The following TACR2 variants were observed in gnomAD, a reference collection of about 807,000 sequenced individuals.
TACR2 encodes the protein tachykinin receptor 2.
Under a neutral mutation model 28.9 loss-of-function variants are expected in TACR2, and 24 were observed. That is an observed-to-expected ratio of 0.83 (90% CI 0.60 to 1.17). TACR2 has a LOEUF of 1.17. TACR2 is among the 50% of genes most tolerant of loss of function. TACR2 has a pLI of 0.00. For missense variants in TACR2, 487 were observed against 524.4 expected, an observed-to-expected ratio of 0.93 and a Z score of 0.70; for synonymous variants, 222 against 212.6, an observed-to-expected ratio of 1.04 and a Z score of -0.38.
At chr10:69,406,958 C>G in intron 4 of TACR2, 126 bp downstream of exon 4, 1 of 958,788 alleles carries the variant, frequency 1.0e-6, no homozygotes, top group Non-Finnish European at 1.6e-6. Flanking sequence ...CTCATGTAGG[C>G]TGGGGGCACA....
chr10:69,404,905 G>A lies in TACR2; in HGVS notation c.1118C>T (p.Ala373Val), dbSNP rs1490048666. The A allele has an allele frequency of 6.8e-6, 11 of 1,613,746 alleles. No individual in the cohort carries two copies. Among genetic ancestry groups the A allele is most frequent in the Non-Finnish European group, 9.3e-6 (11 of 1,179,828 alleles). Residue 373 changes from alanine (A) to valine (V), a missense_variant, in exon 5 of 5, where the codon GCG becomes GTG. Physicochemically the swap from Ala to Val is moderately conservative, Grantham distance 64 (BLOSUM62 0). Coordinates refer to ENST00000373306, the MANE Select transcript of TACR2 (RefSeq NM_001057.3). ...CCCTGATCCATCCTGGGGACGCCCC[G>A]CCTCCCCACTGGTAGCCTCGGAGGG... ...TAPSEATSGE[A>V]GRPQDGSGLW...
intron 4 of TACR2, among the ~76,000 whole-genome samples, chr10:69,405,634 C>A (rs886799927): frequency 6.6e-6 from 1 of 152,198 alleles, no homozygotes; most frequent in Non-Finnish European, 1.5e-5. Context: ...GAAGCACACA[C>A]GGTGAGTGGA....
In TACR2 at chr10:69,404,051, C is replaced by T. The variant is rs1840480394; in HGVS notation, c.*775G>A. ...TGTCCTCTCCAGGTTGCCATGGCCC[C>T]CACCATTCCCTATTAGCTCAAACTG... On this transcript the variant is annotated 3_prime_UTR_variant, in exon 5 of 5. Transcript: ENST00000373306. 6.6e-6 allele frequency: 1 copy of T among 152,222 alleles called. No homozygotes were observed. Among genetic ancestry groups the T allele is most frequent in the South Asian group, 2.1e-4 (1 of 4,832 alleles). 9.4% of individuals were successfully genotyped at this position (152,222 alleles called of 1,614,324 possible).
chr10:69,408,756 T>C (rs951664027), intron 3 of TACR2, among the ~76,000 whole-genome samples, 166 bp downstream of exon 3: 6 of 151,634 alleles, frequency 4.0e-5, no homozygotes, highest in African/African-American at 1.5e-4. Flanking sequence ...CTTGAGACCG[T>C]AAGGGCGGCT....
At chr10:69,411,195 C>T (rs74552257) in intron 2 of TACR2, among the ~76,000 whole-genome samples, 4 of 152,174 alleles carry the variant, frequency 2.6e-5, no homozygotes, top group African/African-American at 7.2e-5. Flanking sequence ...AGGCTTGCTG[C>T]GCCCCTTTCT....
intron 2 of TACR2, among the ~76,000 whole-genome samples, chr10:69,414,631 C>CT (rs1465856209): frequency 6.6e-6 from 1 of 152,092 alleles, no homozygotes; most frequent in East Asian, 1.9e-4. Context: ...GGGCATGTTA[C>CT]TTAGTTTTTC....
chr10:69,416,511 A>G lies in TACR2; in HGVS notation c.-188T>C. Reference sequence around the variant, plus strand: ...CAGGCAAAGATGAGCTGGGCTGAGCACAAAGCCCAGTCCAGAACCATTGTC... The same window carrying G: ...CAGGCAAAGATGAGCTGGGCTGAGCGCAAAGCCCAGTCCAGAACCATTGTC... On this transcript the variant is annotated 5_prime_UTR_variant, in exon 1 of 5. Transcript: ENST00000373306. 3 of 672,698 alleles carry G rather than the reference A, an allele frequency of 4.5e-6. No individual in the cohort carries two copies. The highest frequency in any genetic ancestry group is 7.2e-6 in the Non-Finnish European group (3 of 415,804). 41.7% of individuals were successfully genotyped at this position (672,698 alleles called of 1,614,324 possible). A position where few individuals can be genotyped will look rare whatever the true frequency, so the allele number is the denominator to read the frequency against.
intron 2 of TACR2, among the ~76,000 whole-genome samples, chr10:69,409,865 GTATATATATATATATA>G (rs1840546376): frequency 1.7e-5 from 2 of 118,988 alleles, no homozygotes; most frequent in Non-Finnish European, 1.7e-5. Flanking sequence ...ATATGTATAT[GTATATATATATATATA>G]CATATATACA....
At position 69,415,997 on chromosome 10, in the gene TACR2, C is replaced by T. The variant is rs761183405; in HGVS notation, c.327G>A (p.Gln109=). The change falls in exon 1 of 5, where the codon CAG becomes CAA. Residue 109 remains glutamine, a synonymous_variant. Coordinates refer to ENST00000373306, the MANE Select transcript of TACR2 (RefSeq NM_001057.3). ...WYFGRAFCYF[Q]NLFPITAMFV... ...ACATGGCTGTGATGGGGAAGAGGTT[C>T]TGGAAGTAGCAGAAGGCACGGCCAA... The T allele has an allele frequency of 6.2e-7, 1 of 1,614,170 alleles. No individual in the cohort carries two copies. The highest frequency in any genetic ancestry group is 8.5e-7 in the Non-Finnish European group (1 of 1,180,002).
intron 2 of TACR2, among the ~76,000 whole-genome samples, chr10:69,409,904 C>CATATATATATATATATATATAT (rs10663894): frequency 3.8e-4 from 13 of 34,624 alleles, no homozygotes; most frequent in Non-Finnish European, 5.0e-4. Flanking sequence ...TATATATATA[C>CATATATATATATATATATATAT]ATATATATAT....
chr10:69,415,855 A>G lies in TACR2; in HGVS notation c.392+77T>C, dbSNP rs1840611606. The G allele has an allele frequency of 2.6e-6, 4 of 1,527,310 alleles. No homozygotes were observed. The South Asian group carries it at 5.0e-5, about 19-fold the overall frequency. The allele number at this position is 1,527,310 out of a possible 1,614,324, so 94.6% of individuals were successfully genotyped here. ...TTCTACCCAAACTTGCTGTGTAATC[A>G]CAGGCATGTCACCACCCTTATCTGA... On this transcript the variant is annotated intron_variant, in intron 1 of 4. Transcript: ENST00000373306.
chr10:69,411,988 C>T (rs760154630), intron 2 of TACR2, among the ~76,000 whole-genome samples: 2 of 152,118 alleles, frequency 1.3e-5, no homozygotes, highest in South Asian at 2.1e-4. Flanking sequence ...CCTGCCACCA[C>T]GCCCTACTAA....
At position 69,404,742 on chromosome 10, in the gene TACR2, G is replaced by T. The variant is rs1232449095; in HGVS notation, c.*84C>A. 1.6e-6 allele frequency: 1 copy of T among 630,004 alleles called. No homozygotes were observed. The highest frequency in any genetic ancestry group is 2.6e-6 in the Non-Finnish European group (1 of 381,294). The allele number at this position is 630,004 out of a possible 1,614,324, so 39.0% of individuals were successfully genotyped here. On this transcript the variant is annotated 3_prime_UTR_variant, in exon 5 of 5. Transcript: ENST00000373306. Reference sequence around the variant, plus strand: ...AGTGATGATTCACTTCAACTGGAAGGCATTAATCTATTCATAAGGGATCCA... The same window carrying T: ...AGTGATGATTCACTTCAACTGGAAGTCATTAATCTATTCATAAGGGATCCA...
chr10:69,416,238 G>T lies in TACR2; in HGVS notation c.86C>A (p.Pro29His). The T allele has an allele frequency of 6.2e-7, 1 of 1,613,942 alleles. No individual in the cohort carries two copies. Among genetic ancestry groups the T allele is most frequent in the Non-Finnish European group, 8.5e-7 (1 of 1,179,866 alleles). ...GGCCCACAGTGCCAGTTGCCAGCTG[G>T]GCATGGAGAAGGCTGTGATGCCCGT... ...NTTGITAFSM[P>H]SWQLALWATA... The change falls in exon 1 of 5, where the codon CCC becomes CAC. Residue 29 changes from proline to histidine, a missense_variant. Coordinates refer to ENST00000373306, the MANE Select transcript of TACR2 (RefSeq NM_001057.3).
chr10:69,409,906 T>TATATACATATATATATACAC (rs1564581106), intron 2 of TACR2, among the ~76,000 whole-genome samples: 3 of 11,614 alleles, frequency 2.6e-4, no homozygotes, highest in Admixed American at 2.4e-3. Context: ...TATATATACA[T>TATATACATATATATATACAC]ATATATATAT....
intron 3 of TACR2, among the ~76,000 whole-genome samples, chr10:69,407,986 T>A (rs1840518885): frequency 6.6e-6 from 1 of 152,210 alleles, no homozygotes; most frequent in East Asian, 1.9e-4. Context: ...AACCACCCTG[T>A]GAAAGATGCC....
rs758556223 is a variant in TACR2 at position 69,416,027 on chromosome 10, C to T, written c.297G>A (p.Trp99Ter). The change falls in exon 1 of 5, where the codon TGG becomes TGA. Residue 99 changes from tryptophan to a stop codon, truncating the protein, a stop_gained. Coordinates refer to ENST00000373306, the MANE Select transcript of TACR2 (RefSeq NM_001057.3). LOFTEE classifies it high-confidence loss of function. Reference sequence around the variant, plus strand: ...AGTAGCAGAAGGCACGGCCAAAGTACCAGATGTTGTGGCTGGCATAGACAA... The same window carrying T: ...AGTAGCAGAAGGCACGGCCAAAGTATCAGATGTTGTGGCTGGCATAGACAA... Reference protein sequence around the residue: ...FNFVYASHNIWYFGRAFCYFQ... With the variant: ...FNFVYASHNI 6 of 1,614,068 alleles carry T rather than the reference C, an allele frequency of 3.7e-6. No individual in the cohort carries two copies. Among genetic ancestry groups the T allele is most frequent in the East Asian group, 4.5e-5 (2 of 44,902 alleles).
chr10:69,408,170 G>C (rs776105810), intron 3 of TACR2, among the ~76,000 whole-genome samples: 4 of 152,132 alleles, frequency 2.6e-5, no homozygotes, highest in Non-Finnish European at 5.9e-5. Context: ...GGATGGCAGG[G>C]AGTAGGGGGA....
At chr10:69,415,835 C>T in intron 1 of TACR2, 97 bp downstream of exon 1, 1 of 1,446,354 alleles carries the variant, frequency 6.9e-7, no homozygotes, top group South Asian at 1.3e-5. Flanking sequence ...CATGGTTCTA[C>T]CCAAACTTGC....
Sources: gnomAD v4.1 joint callset for allele counts (sites outside exome capture counted in the v4.1 genomes callset) on GRCh38, gnomAD v4.1.1 for gene constraint, MANE v1.5 for transcripts, NCBI Gene and HGNC (gene_info 2026-07-23, HGNC 2026-07-21) for gene names.